Variants in FAM184A observed in about 807,000 individuals in gnomAD.
FAM184A encodes the protein protein FAM184A.
FAM184A carries 99 observed loss-of-function variants against 143.8 expected under a neutral mutation model. The observed-to-expected ratio is 0.69, with a 90% confidence interval of 0.58 to 0.81. The LOEUF (loss-of-function observed/expected upper bound fraction) is 0.81. FAM184A is among the 40% of genes least tolerant of loss of function. The pLI is 0.00. For missense variants in FAM184A, 1,217 were observed against 1,310.5 expected (o/e 0.93, Z 1.10); for synonymous variants, 427 against 446.4 (o/e 0.96, Z 0.55).
chr6:119,026,271 A>G (rs1785632048), intron 1 of FAM184A, among the ~76,000 whole-genome samples: 1 of 152,150 alleles, frequency 6.6e-6, no homozygotes, highest in African/African-American at 2.4e-5. Flanking sequence ...AAAAACCCTA[A>G]TTTCAAATTC....
intron 1 of FAM184A, among the ~76,000 whole-genome samples, chr6:119,125,197 T>A (rs1257253885): frequency 6.6e-6 from 1 of 152,232 alleles, no homozygotes; most frequent in Non-Finnish European, 1.5e-5. Flanking sequence ...TTCAAACAGC[T>A]TTATTAATCA....
intron 1 of FAM184A, among the ~76,000 whole-genome samples, chr6:119,044,158 G>T (rs866408584): frequency 1.3e-5 from 2 of 152,110 alleles, no homozygotes; most frequent in African/African-American, 4.8e-5. Context: ...CATTGCACTG[G>T]ATGTCCTAGC....
chr6:119,107,671 G>C lies in FAM184A; in HGVS notation c.-202+41407C>G, dbSNP rs112901036. On this transcript the variant is annotated intron_variant, in intron 1 of 16. Transcript: ENST00000352896. Reference sequence around the variant, plus strand: ...CATGCACCTGTAATTCCAGCTACTCGGGAGGCTGAGGCAGGAGAATTGCTT... The same window carrying C: ...CATGCACCTGTAATTCCAGCTACTCCGGAGGCTGAGGCAGGAGAATTGCTT... Among the ~76,000 whole-genome samples, 1,438 of 151,978 alleles carry C rather than the reference G, an allele frequency of 9.5e-3. 24 individuals are homozygous for C. The highest frequency in any genetic ancestry group is 0.033 in the African/African-American group (1,386 of 41,410).
intron 16 of FAM184A, 63 bp from the exon 17 acceptor site, chr6:118,962,026 T>C: frequency 6.6e-7 from 1 of 1,512,542 alleles, no homozygotes; most frequent in Non-Finnish European, 9.1e-7. Context: ...AAAATAGGAA[T>C]GGTAGAAGAT....
chr6:119,104,996 A>G (rs897598757), intron 1 of FAM184A, among the ~76,000 whole-genome samples: 2 of 152,206 alleles, frequency 1.3e-5, no homozygotes, highest in African/African-American at 4.8e-5. Flanking sequence ...GGAACATTCT[A>G]TAAAACACTG....
intron 1 of FAM184A, among the ~76,000 whole-genome samples, chr6:119,103,928 GAA>G (rs199961401): frequency 0.01 from 742 of 72,872 alleles, 2 homozygotes; most frequent in African/African-American, 0.031. Context: ...TCCGTGTAGA[GAA>G]AAAAAAAAAA....
chr6:119,004,231 T>C (rs776573469), intron 7 of FAM184A, among the ~76,000 whole-genome samples: 1 of 152,230 alleles, frequency 6.6e-6, no homozygotes, highest in Admixed American at 6.5e-5. Context: ...TGGACAACAG[T>C]GGCAACCATC....
intron 1 of FAM184A, among the ~76,000 whole-genome samples, chr6:119,039,161 A>T (rs1786224582): frequency 6.6e-6 from 1 of 152,258 alleles, no homozygotes; most frequent in Non-Finnish European, 1.5e-5. Context: ...GCAAATGCTG[A>T]TGAGAATATG....
intron 9 of FAM184A, among the ~76,000 whole-genome samples, chr6:118,984,157 AAATAT>A (rs1407231229): frequency 8.3e-6 from 1 of 120,450 alleles, no homozygotes; most frequent in African/African-American, 3.3e-5. Context: ...TTTAAAAAAA[AAATAT>A]ATATATATAT....
upstream of FAM184A, among the ~76,000 whole-genome samples, chr6:119,080,128 ACT>A (rs1227891398): frequency 1.3e-5 from 2 of 152,098 alleles, no homozygotes; most frequent in South Asian, 4.1e-4. Flanking sequence ...TGCTCAAAAG[ACT>A]CTCTGTTTCA....
chr6:119,037,769 A>C (rs989708691), intron 1 of FAM184A, among the ~76,000 whole-genome samples: 1 of 152,244 alleles, frequency 6.6e-6, no homozygotes, highest in Admixed American at 6.5e-5. Context: ...ATAAGTTTCA[A>C]CCTTCAAAAT....
At chr6:118,987,227 A>G (rs921893128) in intron 9 of FAM184A, among the ~76,000 whole-genome samples, 23 of 152,212 alleles carry the variant, frequency 1.5e-4, no homozygotes, top group Non-Finnish European at 1.3e-4. Context: ...CATACTGTCT[A>G]TAAGTATTTT....
At chr6:119,139,258 T>C (rs1039509134) in intron 1 of FAM184A, among the ~76,000 whole-genome samples, 2 of 152,190 alleles carry the variant, frequency 1.3e-5, no homozygotes, top group Non-Finnish European at 2.9e-5. Flanking sequence ...CTCTGGTGCC[T>C]GAAGAGTTTC....
chr6:119,026,541 C>T (rs1209976562), intron 1 of FAM184A, among the ~76,000 whole-genome samples: 1 of 152,064 alleles, frequency 6.6e-6, no homozygotes, highest in Non-Finnish European at 1.5e-5. Flanking sequence ...CCCAAAGAAA[C>T]CTGAAAAAAT....
intron 1 of FAM184A, among the ~76,000 whole-genome samples, chr6:119,034,580 T>A (rs28667596): frequency 0.34 from 50,042 of 148,154 alleles, 9,289 homozygotes; most frequent in African/African-American, 0.5. Flanking sequence ...TTTTTTTTTT[T>A]AAAAAAACCT....
chr6:119,092,961 C>A (rs995564362), intron 1 of FAM184A, among the ~76,000 whole-genome samples: 1 of 152,152 alleles, frequency 6.6e-6, no homozygotes, highest in Admixed American at 6.5e-5. Context: ...AGGGGCCTGG[C>A]AAAACCCTGG....
intron 1 of FAM184A, among the ~76,000 whole-genome samples, chr6:119,120,198 G>A (rs767243689): frequency 1.3e-5 from 2 of 152,170 alleles, no homozygotes; most frequent in African/African-American, 4.8e-5. Flanking sequence ...CCAGCCCCTG[G>A]CAACCACTAA....
At chr6:118,976,287 G>A (rs951874502) in intron 11 of FAM184A, among the ~76,000 whole-genome samples, 3 of 152,100 alleles carry the variant, frequency 2.0e-5, no homozygotes, top group African/African-American at 7.2e-5. Context: ...GCGGATCAAG[G>A]TATTTTTATA....
chr6:119,085,964 G>A (rs1788211365), intron 1 of FAM184A, among the ~76,000 whole-genome samples: 1 of 152,052 alleles, frequency 6.6e-6, no homozygotes, highest in East Asian at 1.9e-4. Flanking sequence ...CCAAGGGGAT[G>A]GTGCTAACCC....
Sources: allele counts gnomAD v4.1 joint callset (sites outside exome capture counted in the v4.1 genomes callset), GRCh38; gene constraint gnomAD v4.1.1; transcripts MANE v1.5; gene names NCBI Gene and HGNC (gene_info 2026-07-23, HGNC 2026-07-21).